Variants in RNF130 observed in about 807,000 individuals in gnomAD.
RNF130 encodes the protein E3 ubiquitin-protein ligase RNF130.
RNF130 carries 21 observed loss-of-function variants against 44.6 expected under a neutral mutation model. That is an observed-to-expected ratio of 0.47 (90% CI 0.33 to 0.68). The LOEUF (loss-of-function observed/expected upper bound fraction) is 0.68. Among genes scored for constraint, RNF130 ranks in the 30% least tolerant of loss-of-function variants. The pLI, the probability that RNF130 is intolerant of heterozygous loss-of-function variation, is 0.02. For missense variants in RNF130, 479 were observed against 560.6 expected, an observed-to-expected ratio of 0.85 and a Z score of 1.47; for synonymous variants, 214 against 210.4, an observed-to-expected ratio of 1.02 and a Z score of -0.15.
At chr5:179,980,070 A>C (rs1019966550) in intron 4 of RNF130, 59 bp downstream of exon 4, 5 of 1,487,810 alleles carry the variant, frequency 3.4e-6, no homozygotes, top group African/African-American at 1.4e-5. Flanking sequence ...CTCTCCCACC[A>C]AACAAAAACA....
chr5:179,996,988 A>G (rs1488887586), intron 3 of RNF130, among the ~76,000 whole-genome samples: 1 of 152,166 alleles, frequency 6.6e-6, no homozygotes, highest in South Asian at 2.1e-4. Flanking sequence ...ATTCACTTTA[A>G]TTACTCATAA....
chr5:180,034,181 T>C (rs1250107913), intron 2 of RNF130, among the ~76,000 whole-genome samples: 2 of 151,968 alleles, frequency 1.3e-5, no homozygotes, highest in Non-Finnish European at 2.9e-5. Flanking sequence ...GCTTTTTCAT[T>C]TATTCTATTG....
rs138102823 is a variant in RNF130 at position 179,975,120 on chromosome 5, G to A, written c.848+3083C>T. Among the ~76,000 whole-genome samples, 1,037 of 152,330 alleles carry A rather than the reference G, an allele frequency of 6.8e-3. 5 individuals are homozygous for A. Among genetic ancestry groups the A allele is most frequent in the Non-Finnish European group, 8.6e-3 (586 of 68,026 alleles). ...GGGAAGACGGTGAGGGAACAGAACC[G>A]CTTAGCAACATGAGGTACAGAAAGC... On this transcript the variant is annotated intron_variant, in intron 5 of 8. Transcript: ENST00000521389.
chr5:180,054,285 T>TA (rs1397553530), intron 1 of RNF130, among the ~76,000 whole-genome samples: 4 of 152,142 alleles, frequency 2.6e-5, no homozygotes, highest in African/African-American at 9.7e-5. Context: ...TTTGCAAACT[T>TA]AAAAAATGAT....
At chr5:180,040,431 A>G in intron 2 of RNF130, 22 bp downstream of exon 2, 1 of 1,599,662 alleles carries the variant, frequency 6.3e-7, no homozygotes, top group Non-Finnish European at 8.5e-7. Context: ...AAACAAAATC[A>G]ACAACCCTCA....
chr5:179,956,364 C>T (rs1051445605), intron 8 of RNF130: 1 of 152,280 alleles, frequency 6.6e-6, no homozygotes, highest in African/African-American at 2.4e-5. Flanking sequence ...GGTTATTACA[C>T]AACTCTCTAG....
chr5:180,004,142 C>T (rs1042629061), intron 3 of RNF130, among the ~76,000 whole-genome samples: 1 of 152,136 alleles, frequency 6.6e-6, no homozygotes, highest in Non-Finnish European at 1.5e-5. Context: ...TGGAAATTTG[C>T]AATTTTAAAA....
Position 180,043,967 on chromosome 5 carries a change from G to A in RNF130, c.248-3320C>T, listed in dbSNP as rs561443443. On this transcript the variant is annotated intron_variant, in intron 1 of 8. Transcript: ENST00000521389. ...TACTGTAGTATACTCATTCTACCTAGTTATTCCCTCCTGTAATTAAGAAAA... is the reference window on the plus strand; with the variant it reads ...TACTGTAGTATACTCATTCTACCTAATTATTCCCTCCTGTAATTAAGAAAA... Among the ~76,000 whole-genome samples, 7 of 152,234 alleles carry A rather than the reference G, an allele frequency of 4.6e-5. No homozygotes were observed. In the East Asian group the frequency reaches 1.2e-3, roughly 25 times the overall value.
At chr5:180,006,625 A>C (rs1763468045) in intron 3 of RNF130, among the ~76,000 whole-genome samples, 1 of 152,260 alleles carries the variant, frequency 6.6e-6, no homozygotes, top group Admixed American at 6.5e-5. Flanking sequence ...GAGTCCATTA[A>C]GTGGCAGAAT....
intron 1 of RNF130, among the ~76,000 whole-genome samples, chr5:180,060,211 C>G (rs1340632901): frequency 6.6e-6 from 1 of 152,176 alleles, no homozygotes; most frequent in East Asian, 1.9e-4. Flanking sequence ...AGAATTCTGA[C>G]CCCCAGAACT....
chr5:180,033,711 G>A (rs1346043531), intron 2 of RNF130, among the ~76,000 whole-genome samples: 2 of 151,162 alleles, frequency 1.3e-5, no homozygotes, highest in Non-Finnish European at 3.0e-5. Context: ...AAAAAAAAGA[G>A]AGAGAGAGAG....
chr5:179,937,927 T>TGG (rs1444305110), intron 7 of RNF130, among the ~76,000 whole-genome samples: 35 of 134,458 alleles, frequency 2.6e-4, no homozygotes, highest in Non-Finnish European at 5.3e-4. Flanking sequence ...TGTGTGTGTG[T>TGG]GTGTGTGAGA....
chr5:179,920,734 C>T (rs1020388582), intron 7 of RNF130, among the ~76,000 whole-genome samples: 2 of 151,436 alleles, frequency 1.3e-5, no homozygotes, highest in Non-Finnish European at 2.9e-5. Context: ...GGCACATGAT[C>T]TTATGGAGGA....
intron 2 of RNF130, among the ~76,000 whole-genome samples, chr5:180,023,507 A>T (rs1240607099): frequency 6.6e-6 from 1 of 152,202 alleles, no homozygotes; most frequent in Non-Finnish European, 1.5e-5. Context: ...CAGCACCAGA[A>T]AGTAAGAAAG....
At chr5:179,998,465 A>C (rs1452458531) in intron 3 of RNF130, among the ~76,000 whole-genome samples, 1 of 152,130 alleles carries the variant, frequency 6.6e-6, no homozygotes, top group South Asian at 2.1e-4. Context: ...TAATTTTTAA[A>C]AAGTTCTTAA....
intron 7 of RNF130, chr5:179,939,781 C>A: frequency 2.4e-6 from 1 of 412,242 alleles, no homozygotes; most frequent in East Asian, 7.1e-5. Flanking sequence ...CTTTGATTCC[C>A]AAAAAAGTCC....
chr5:179,938,842 A>C (rs9885239), intron 7 of RNF130, among the ~76,000 whole-genome samples: 8,787 of 152,238 alleles, frequency 0.058, 796 homozygotes, highest in African/African-American at 0.19. Flanking sequence ...GGCTGACACC[A>C]CATGGCTCAC....
intron 3 of RNF130, among the ~76,000 whole-genome samples, chr5:179,995,698 T>C (rs550465888): frequency 6.7e-4 from 102 of 152,292 alleles, no homozygotes; most frequent in African/African-American, 2.4e-3. Context: ...GTGGCCTGGA[T>C]TGCACACTTC....
At chr5:179,945,248 A>G (rs919262839) in intron 7 of RNF130, among the ~76,000 whole-genome samples, 4 of 152,114 alleles carry the variant, frequency 2.6e-5, no homozygotes, top group African/African-American at 9.7e-5. Flanking sequence ...ACGATGAGCA[A>G]GGCTCAGTCC....
Sources: gnomAD v4.1 joint callset for allele counts (sites outside exome capture counted in the v4.1 genomes callset) on GRCh38, gnomAD v4.1.1 for gene constraint, MANE v1.5 for transcripts, NCBI Gene and HGNC (gene_info 2026-07-23, HGNC 2026-07-21) for gene names.